Variants in ARID5B observed in about 807,000 individuals in gnomAD.
ARID5B encodes the protein AT-rich interactive domain-containing protein 5B.
In ARID5B, 13 loss-of-function variants were observed where a neutral mutation model predicts 97.2. That is an observed-to-expected ratio of 0.13 (90% CI 0.09 to 0.21). ARID5B has a LOEUF of 0.21. Ranked by LOEUF, ARID5B falls within the 10% of genes least tolerant of loss-of-function variation. The pLI, the probability that ARID5B is intolerant of heterozygous loss-of-function variation, is 1.00. For missense variants in ARID5B, 1,210 were observed against 1,465.3 expected (o/e 0.83, Z 2.84); for synonymous variants, 556 against 570.3 (o/e 0.97, Z 0.36).
At chr10:62,027,927 C>T (rs951834961) in intron 4 of ARID5B, among the ~76,000 whole-genome samples, 2 of 152,184 alleles carry the variant, frequency 1.3e-5, no homozygotes, top group African/African-American at 2.4e-5. Flanking sequence ...CTTGCTGCAT[C>T]TCTCTTTTCC....
chr10:61,907,144 A>G (rs1843721084), intron 2 of ARID5B, among the ~76,000 whole-genome samples: 1 of 152,188 alleles, frequency 6.6e-6, no homozygotes, highest in Non-Finnish European at 1.5e-5. Context: ...TTTCATCTCC[A>G]TGTTGGCTTT....
chr10:62,067,980 C>T (rs1023072082), intron 7 of ARID5B, among the ~76,000 whole-genome samples: 6 of 152,136 alleles, frequency 3.9e-5, no homozygotes, highest in African/African-American at 1.4e-4. Context: ...CCCCCAGGGC[C>T]CACAGGTCTC....
At chr10:61,992,441 G>T (rs1166645788) in intron 3 of ARID5B, among the ~76,000 whole-genome samples, 2 of 152,064 alleles carry the variant, frequency 1.3e-5, no homozygotes, top group East Asian at 3.8e-4. Flanking sequence ...AATAGTGAGG[G>T]CAAAAGCTGA....
chr10:62,025,996 TAAAG>T (rs528813852), intron 4 of ARID5B, among the ~76,000 whole-genome samples: 173 of 152,306 alleles, frequency 1.1e-3, no homozygotes, highest in Non-Finnish European at 1.7e-3. Context: ...GGATGGATAA[TAAAG>T]AAATAGCTGA....
intron 8 of ARID5B, among the ~76,000 whole-genome samples, chr10:62,083,625 A>G (rs973602176): frequency 6.6e-6 from 1 of 152,260 alleles, no homozygotes; most frequent in South Asian, 2.1e-4. Context: ...GCAAATTGCT[A>G]TCATTGGAAT....
At chr10:61,974,724 G>A (rs879913905) in intron 3 of ARID5B, among the ~76,000 whole-genome samples, 16 of 152,184 alleles carry the variant, frequency 1.1e-4, no homozygotes, top group Non-Finnish European at 1.5e-4. Context: ...ATAAAACACT[G>A]ATCTGTTCAT....
chr10:62,033,413 TAA>T (rs1171215382), intron 4 of ARID5B, among the ~76,000 whole-genome samples: 1 of 152,262 alleles, frequency 6.6e-6, no homozygotes, highest in Non-Finnish European at 1.5e-5. Context: ...ATCACCAAGA[TAA>T]GTTCTTCCTT....
rs191354875 is a variant in ARID5B at position 62,086,573 on chromosome 10, C to T, written c.1398+673C>T. The stretch of plus-strand genomic sequence containing the variant: ...AAAATTAGCCAGGTGTGGTGGTGGG[C>T]GCCTGTAGTCCCGGCTACTTGGGAG... On this transcript the variant is annotated intron_variant, in intron 9 of 9. Transcript: ENST00000279873. Among the ~76,000 whole-genome samples, 534 of 150,866 alleles carry T rather than the reference C, an allele frequency of 3.5e-3. 4 individuals carry two copies. The highest frequency in any genetic ancestry group is 0.012 in the African/African-American group (483 of 41,104).
chr10:61,974,308 C>T (rs1351176624), intron 3 of ARID5B, among the ~76,000 whole-genome samples: 2 of 152,126 alleles, frequency 1.3e-5, no homozygotes, highest in Non-Finnish European at 2.9e-5. Context: ...CTTCTAGGGT[C>T]TTTTTTGTTC....
chr10:61,914,280 G>T (rs369290201), intron 2 of ARID5B, among the ~76,000 whole-genome samples: 1 of 152,236 alleles, frequency 6.6e-6, no homozygotes, highest in Non-Finnish European at 1.5e-5. Flanking sequence ...CTCATGGATG[G>T]TTTCATCATT....
In ARID5B at chr10:61,995,376, G is replaced by A. The variant is rs187514036; in HGVS notation, c.503-4715G>A. Among the ~76,000 whole-genome samples, 371 of 152,344 alleles carry A rather than the reference G, an allele frequency of 2.4e-3. 2 individuals carry two copies. The highest frequency in any genetic ancestry group is 3.6e-3 in the Admixed American group (55 of 15,308). On this transcript the variant is annotated intron_variant, in intron 3 of 9. Transcript: ENST00000279873. ...GTATATGAAATGCGTGGGCAAGAAA[G>A]AAGTAGCCGAGGAATTTAAATAATT...
rs1434699567 is a variant in ARID5B at position 62,094,061 on chromosome 10, G to GAGAATC, written c.*1033_*1038dup. ...GGCTGTGAAACTGTCCTACATACCA[G>GAGAATC]AGAATCATAAAAACAAAAACCTCAC... On this transcript the variant is annotated 3_prime_UTR_variant, in exon 10 of 10. Transcript: ENST00000279873. 3 of 233,598 alleles carry GAGAATC rather than the reference G, an allele frequency of 1.3e-5. No individual in the cohort carries two copies. In the East Asian group the frequency reaches 1.8e-4, roughly 14 times the overall value. 14.5% of individuals were successfully genotyped at this position (233,598 alleles called of 1,614,324 possible). A position where few individuals can be genotyped will look rare whatever the true frequency, so the allele number is the denominator to read the frequency against.
chr10:61,966,302 C>G (rs947925109), intron 3 of ARID5B, among the ~76,000 whole-genome samples: 1 of 152,044 alleles, frequency 6.6e-6, no homozygotes, highest in African/African-American at 2.4e-5. Context: ...AGGCAGGGAG[C>G]ACGTTTTAAA....
At chr10:62,069,408 T>A (rs1034524393) in intron 7 of ARID5B, among the ~76,000 whole-genome samples, 4 of 152,338 alleles carry the variant, frequency 2.6e-5, no homozygotes, top group South Asian at 2.1e-4. Context: ...AGGGTATGAG[T>A]ATGAGTCCTT....
chr10:61,932,785 A>C (rs1307532249), intron 2 of ARID5B, among the ~76,000 whole-genome samples: 1 of 152,108 alleles, frequency 6.6e-6, no homozygotes, highest in Non-Finnish European at 1.5e-5. Flanking sequence ...TGCCTTTATC[A>C]ACTAACTTGA....
intron 2 of ARID5B, among the ~76,000 whole-genome samples, chr10:61,906,826 C>G (rs72833335): frequency 9.2e-4 from 140 of 152,296 alleles, no homozygotes; most frequent in Non-Finnish European, 1.7e-3. Context: ...TTATCTTGGG[C>G]AAGTTCTAAA....
intron 9 of ARID5B, among the ~76,000 whole-genome samples, chr10:62,086,440 A>C (rs1169928721): frequency 6.6e-6 from 1 of 152,068 alleles, no homozygotes; most frequent in African/African-American, 2.4e-5. Flanking sequence ...CAAAGCTCAC[A>C]CCTGTAATCC....
chr10:61,914,408 C>A lies in ARID5B; in HGVS notation c.276+11995C>A, dbSNP rs112332855. Among the ~76,000 whole-genome samples, 1,181 of 152,290 alleles carry A rather than the reference C, an allele frequency of 7.8e-3. 9 individuals are homozygous for A. The highest frequency in any genetic ancestry group is 0.012 in the Non-Finnish European group (839 of 68,038). ...TCTGTGCTGGGGATATAATAGTGAA[C>A]AATGAGTGACTAGTACACAAAGATT... On this transcript the variant is annotated intron_variant, in intron 2 of 9. Transcript: ENST00000279873.
At chr10:62,048,252 A>G (rs2132927532) in intron 4 of ARID5B, among the ~76,000 whole-genome samples, 1 of 152,346 alleles carries the variant, frequency 6.6e-6, no homozygotes, top group South Asian at 2.1e-4. Flanking sequence ...ATGTTATGCA[A>G]TGCAGCCTTT....
Sources: gnomAD v4.1 joint callset for allele counts (sites outside exome capture counted in the v4.1 genomes callset) on GRCh38, gnomAD v4.1.1 for gene constraint, MANE v1.5 for transcripts, NCBI Gene and HGNC (gene_info 2026-07-23, HGNC 2026-07-21) for gene names.